The following RBM3 variants were observed in gnomAD, a reference collection of about 807,000 sequenced individuals.
RBM3 encodes RNA binding motif protein 3, also known as RNA-binding protein 3.
A neutral mutation model predicts 12.0 loss-of-function variants in RBM3; 3 were observed. The ratio of observed to expected loss-of-function variants is 0.25; its 90% CI spans 0.11 to 0.65. RBM3 has a LOEUF of 0.65. Among genes scored for constraint, RBM3 ranks in the 30% least tolerant of loss-of-function variants. The pLI is 0.84. For missense variants in RBM3, 108 were observed against 134.5 expected, an observed-to-expected ratio of 0.80 and a Z score of 0.97; for synonymous variants, 58 against 45.7, an observed-to-expected ratio of 1.27 and a Z score of -1.08.
chrX:48,574,883 A>G, intron 1 of RBM3: 1 of 402,595 alleles, frequency 2.5e-6, no homozygotes, highest in Non-Finnish European at 4.6e-6. Flanking sequence ...GCGTTAAGGG[A>G]ACGCAGGGAT....
chrX:48,574,959 A>T (rs1238101763), intron 1 of RBM3: 1 of 450,172 alleles, frequency 2.2e-6, no homozygotes, highest in Admixed American at 3.1e-5. Flanking sequence ...AGCATGCGCA[A>T]TGTGGCCCCC....
In RBM3 at chrX:48,575,179, C is replaced by G. The variant is rs782663513; in HGVS notation, c.-2C>G. ...TGTTCTTCCCACAGGACTTGAACTG[C>G]CATGTCCTCTGAAGAAGGAAAGCTC... On this transcript the variant is annotated 5_prime_UTR_variant, in exon 2 of 7. Coordinates refer to ENST00000376759, the MANE Select transcript of RBM3 (RefSeq NM_006743.5). 8.3e-7 allele frequency: 1 copy of G among 1,199,873 alleles called. No individual in the cohort carries two copies. Among genetic ancestry groups the G allele is most frequent in the South Asian group, 1.8e-5 (1 of 55,883 alleles).
intron 3 of RBM3, 101 bp downstream of exon 3, chrX:48,575,768 A>T: frequency 1.3e-6 from 1 of 787,150 alleles, no homozygotes; most frequent in Non-Finnish European, 1.8e-6. Flanking sequence ...GTGGCCACCA[A>T]GCCCCGCAGT....
Position 48,575,641 on chromosome X carries a change from G to T in RBM3, c.184G>T (p.Val62Phe). 8.3e-7 allele frequency: 1 copy of T among 1,211,461 alleles called. No homozygotes were observed. The highest frequency in any genetic ancestry group is 3.0e-5 in the East Asian group (1 of 33,855). ...ITFTNPEHAS[V>F]AMRAMNGESL... is the part of the protein sequence containing the mutation. ...CTTCACCAACCCAGAGCATGCTTCA[G>T]TTGCCATGAGAGCCATGAACGGAGA... is the stretch of plus-strand genomic sequence containing the variant. The change falls in exon 3 of 7, where the codon GTT (valine) becomes TTT (phenylalanine). Residue 62 changes from valine (V) to phenylalanine (F), a missense_variant. By Grantham distance (50) the Val-to-Phe change is conservative. This residue lies in a region of RBM3 where 43 missense variants were observed against 79.6 expected (regional missense o/e 0.54). Transcript: ENST00000376759.
In RBM3 at chrX:48,576,802, G is replaced by C. The variant is rs929230980; in HGVS notation, c.413+198G>C. On this transcript the variant is annotated intron_variant, in intron 5 of 6. Transcript: ENST00000376759. ...TATACTATATATGTTGTGCTGTGTG[G>C]GTTATATAACTATATTGCTTTAACA... Among the ~76,000 whole-genome samples the C allele has an allele frequency of 8.0e-5, 9 of 111,832 alleles. No homozygotes were observed. The East Asian group carries it at 2.5e-3, about 31-fold the overall frequency.
chrX:48,575,021 C>A, intron 1 of RBM3, 147 bp from the exon 2 acceptor site: 1 of 480,283 alleles, frequency 2.1e-6, no homozygotes, highest in East Asian at 3.7e-5. Context: ...TATTGGCCGC[C>A]TTTCTCAGCT....
Position 48,578,486 on chromosome X carries a change from T to C in RBM3, c.*1045T>C, listed in dbSNP as rs1215407276. Reference sequence around the variant, plus strand: ...TACTCGGGAGGCTGAGGCAGGAGAATTGCTTGAACCCAGGAGGCGGAAGTT... The same window carrying C: ...TACTCGGGAGGCTGAGGCAGGAGAACTGCTTGAACCCAGGAGGCGGAAGTT... On this transcript the variant is annotated 3_prime_UTR_variant, in exon 7 of 7. Transcript: ENST00000376759. The C allele has an allele frequency of 2.7e-5, 3 of 109,967 alleles. No homozygotes were observed. The highest frequency in any genetic ancestry group is 1.0e-4 in the African/African-American group (3 of 30,104). The allele number at this position is 109,967 out of a possible 1,213,427, so 9.1% of individuals were successfully genotyped here.
At chrX:48,574,871 C>T (rs782404130) in intron 1 of RBM3, 23 of 385,328 alleles carry the variant, frequency 6.0e-5, no homozygotes, top group African/African-American at 2.2e-4. Flanking sequence ...CTTGTTCTGC[C>T]GGCGTTAAGG....
rs7065384 is a variant in RBM3, at chrX:48,578,022, A to G, written c.*581A>G. Reference sequence around the variant, plus strand: ...CTTGAACCCGGGAGGCGGAGGTTGCAGTGAGCTAAGATCGCGCCACTGTAC... The same window carrying G: ...CTTGAACCCGGGAGGCGGAGGTTGCGGTGAGCTAAGATCGCGCCACTGTAC... On this transcript the variant is annotated 3_prime_UTR_variant, in exon 7 of 7. Transcript: ENST00000376759. The G allele has an allele frequency of 0.13, 14,343 of 110,407 alleles. 2,109 individuals are homozygous for G. Among genetic ancestry groups the G allele is most frequent in the African/African-American group, 0.43 (12,749 of 29,900 alleles). 9.1% of individuals were successfully genotyped at this position (110,407 alleles called of 1,213,427 possible).
rs2062077736 is a variant in RBM3, at chrX:48,575,820, G to A, written c.210+153G>A. On this transcript the variant is annotated intron_variant, in intron 3 of 6. Transcript: ENST00000376759. ...ATGACTGCCTTTTGTTCTAGGGGGTGGAGGGCAGCGGCAGACAGAGCCTGG... is the reference window on the plus strand; with the variant it reads ...ATGACTGCCTTTTGTTCTAGGGGGTAGAGGGCAGCGGCAGACAGAGCCTGG... 1.3e-5 allele frequency: 8 copies of A among 599,648 alleles called. No homozygotes were observed. In the South Asian group the frequency reaches 2.1e-4, roughly 16 times the overall value. The allele number at this position is 599,648 out of a possible 1,213,427, so 49.4% of individuals were successfully genotyped here.
chrX:48,578,038 G>A lies in RBM3; in HGVS notation c.*597G>A, dbSNP rs3200611. 0.056 allele frequency: 6,197 copies of A among 109,715 alleles called. 192 individuals carry two copies. Among genetic ancestry groups the A allele is most frequent in the Non-Finnish European group, 0.089 (4,680 of 52,664 alleles). 9.0% of individuals were successfully genotyped at this position (109,715 alleles called of 1,213,427 possible). On this transcript the variant is annotated 3_prime_UTR_variant, in exon 7 of 7. Coordinates refer to ENST00000376759, the MANE Select transcript of RBM3 (RefSeq NM_006743.5). ...GGAGGTTGCAGTGAGCTAAGATCGC[G>A]CCACTGTACTCCAGCCTGGGCAACA...
In RBM3 at chrX:48,581,073, G is replaced by A. The variant is rs1556990347; in HGVS notation, c.*3632G>A. On this transcript the variant is annotated 3_prime_UTR_variant, in exon 7 of 7. Transcript: ENST00000376759. ...GAGGAAGTGCCCTGGATCTGGGGGC[G>A]GGGGGGGGCGGGGGGAATGGGTCTT... The A allele has an allele frequency of 1.1e-5, 1 of 94,640 alleles. No homozygotes were observed. The highest frequency in any genetic ancestry group is 1.2e-4 in the Admixed American group (1 of 8,681). 7.8% of individuals were successfully genotyped at this position (94,640 alleles called of 1,213,427 possible).
chrX:48,576,021 G>T, intron 3 of RBM3: 2 of 956,073 alleles, frequency 2.1e-6, no homozygotes, highest in African/African-American at 1.9e-5. Context: ...TGTCTGTCTA[G>T]CCCTGATAGT....
intron 6 of RBM3, 130 bp from the exon 7 acceptor site, chrX:48,577,335 T>A: frequency 1.1e-6 from 1 of 906,718 alleles, no homozygotes; most frequent in Admixed American, 3.4e-5. Context: ...TCTACTCTTG[T>A]GTGGGATGGA....
In RBM3 at chrX:48,580,991, C is replaced by T. The variant is rs782669564; in HGVS notation, c.*3550C>T. On this transcript the variant is annotated 3_prime_UTR_variant, in exon 7 of 7. Transcript: ENST00000376759. ...AGACCTGACCTGAGGCTTCTTATAA[C>T]CTTTACTCAGTGGGAATATGCATAC... 2 of 97,708 alleles carry T rather than the reference C, an allele frequency of 2.0e-5. No individual in the cohort carries two copies. Among genetic ancestry groups the T allele is most frequent in the East Asian group, 6.7e-4 (2 of 2,981 alleles). The allele number at this position is 97,708 out of a possible 1,213,427, so 8.1% of individuals were successfully genotyped here.
Position 48,576,595 on chromosome X carries a change from A to C in RBM3, c.404A>C (p.Tyr135Ser), listed in dbSNP as rs375664376. ...TATGGATATGGACGTTCCAGAGACTATAATGGCAGGTGGGTAGCCAAAGGG... is the reference window on the plus strand; with the variant it reads ...TATGGATATGGACGTTCCAGAGACTCTAATGGCAGGTGGGTAGCCAAAGGG... The part of the protein sequence containing the change: ...YGYGYGRSRD[Y>S]NGRNQGGYDR... Residue 135 changes from tyrosine to serine, a missense_variant, in exon 5 of 7, where the codon TAT (tyrosine) becomes TCT (serine). Coordinates refer to ENST00000376759, the MANE Select transcript of RBM3 (RefSeq NM_006743.5). The C allele has an allele frequency of 1.4e-5, 16 of 1,173,191 alleles. No individual in the cohort carries two copies. The highest frequency in any genetic ancestry group is 3.6e-5 in the African/African-American group (2 of 55,977).
chrX:48,576,328 T>C lies in RBM3; in HGVS notation c.225T>C (p.Arg75=), dbSNP rs782400491. ...RAMNGESLDG[R]QIRVDHAGKS... ...CCCACACTTAGTCTCTGGATGGTCGTCAGATCCGTGTGGATCATGCAGGCA... is the reference window on the plus strand; with the variant it reads ...CCCACACTTAGTCTCTGGATGGTCGCCAGATCCGTGTGGATCATGCAGGCA... Residue 75 remains arginine (R), a synonymous_variant, in exon 4 of 7, where the codon CGT becomes CGC. Transcript: ENST00000376759. 14 of 1,210,111 alleles carry C rather than the reference T, an allele frequency of 1.2e-5. No homozygotes were observed. Among genetic ancestry groups the C allele is most frequent in the Non-Finnish European group, 1.6e-5 (14 of 894,868 alleles).
chrX:48,576,905 T>C, intron 5 of RBM3, 121 bp from the exon 6 acceptor site: 7 of 893,186 alleles, frequency 7.8e-6, no homozygotes, highest in South Asian at 2.5e-5. Context: ...GCTTAACATA[T>C]CCTGTTTTTG....
At chrX:48,576,740 GTTAA>G in intron 5 of RBM3, 136 bp downstream of exon 5, 1 of 1,005,894 alleles carries the variant, frequency 9.9e-7, no homozygotes, top group East Asian at 3.3e-5. Flanking sequence ...AGCATTTTAA[GTTAA>G]TTGTGTAGTC....
Sources: gnomAD v4.1 joint callset for allele counts (sites outside exome capture counted in the v4.1 genomes callset) on GRCh38, gnomAD v4.1.1 for gene constraint, gnomAD v4.1.1 regional missense constraint, MANE v1.5 for transcripts, NCBI Gene and HGNC (gene_info 2026-07-23, HGNC 2026-07-21) for gene names.